Variants in KCNQ1 observed in about 807,000 individuals in gnomAD.
The protein encoded by KCNQ1 is potassium voltage-gated channel subfamily KQT member 1.
Under a neutral mutation model 72.4 loss-of-function variants are expected in KCNQ1, and 49 were observed. That is an observed-to-expected ratio of 0.68 (90% CI 0.54 to 0.86). The LOEUF (loss-of-function observed/expected upper bound fraction) is 0.86. KCNQ1 is among the 40% of genes least tolerant of loss of function. KCNQ1 has a pLI of 0.00. For synonymous variants in KCNQ1, 450 were observed against 412.6 expected, an observed-to-expected ratio of 1.09 and a Z score of -1.10; for missense variants, 790 against 945.1, an observed-to-expected ratio of 0.84 and a Z score of 2.15.
chr11:2,803,163 C>CTCT lies in KCNQ1; in HGVS notation c.1794+25126_1794+25127insTCT. Among the ~76,000 whole-genome samples, 1 of 151,776 alleles carries CTCT rather than the reference C, an allele frequency of 6.6e-6. No individual in the cohort carries two copies. The highest frequency in any genetic ancestry group is 1.9e-4 in the East Asian group (1 of 5,138). ...CAGAAAACCCAGCCGGGCCCCCCCC[C>CTCT]CCACGGGCACCCAGGAACCGCCCTG... On this transcript the variant is annotated intron_variant, in intron 15 of 15. Transcript: ENST00000155840. This position sits in a 1 kb window ranked among gnomAD's most constrained non-coding sequence, Gnocchi z 6.4.
chr11:2,608,441 G>A lies in KCNQ1; in HGVS notation c.1393+19587G>A. 2.5e-6 allele frequency: 1 copy of A among 398,288 alleles called. No homozygotes were observed. Among genetic ancestry groups the A allele is most frequent in the Non-Finnish European group, 4.4e-6 (1 of 225,992 alleles). 24.7% of individuals were successfully genotyped at this position (398,288 alleles called of 1,614,324 possible). Reference sequence around the variant, plus strand: ...TTCCTTCATAATCCTTTTTATTTCTGTCAGGTTGGTAGTATACTTCCCTCA... The same window carrying A: ...TTCCTTCATAATCCTTTTTATTTCTATCAGGTTGGTAGTATACTTCCCTCA... On this transcript the variant is annotated intron_variant, in intron 10 of 15. Coordinates refer to ENST00000155840, the MANE Select transcript of KCNQ1 (RefSeq NM_000218.3). This position sits in a 1 kb window ranked among gnomAD's most constrained non-coding sequence, Gnocchi z 4.6.
chr11:2,683,200 T>G lies in KCNQ1; in HGVS notation c.1514+21119T>G. 2.5e-6 allele frequency: 1 copy of G among 398,634 alleles called. No individual in the cohort carries two copies. Among genetic ancestry groups the G allele is most frequent in the East Asian group, 3.6e-5 (1 of 28,076 alleles). 24.7% of individuals were successfully genotyped at this position (398,634 alleles called of 1,614,324 possible). A position where few individuals can be genotyped will look rare whatever the true frequency, so the allele number is the denominator to read the frequency against. ...TTAAAAGGCTCCCACTGACAGCTCA[T>G]GCATTGTGATGGAACTAGAGGTGAG... is the stretch of plus-strand genomic sequence containing the variant. On this transcript the variant is annotated intron_variant, in intron 11 of 15. Coordinates refer to ENST00000155840, the MANE Select transcript of KCNQ1 (RefSeq NM_000218.3). The surrounding 1 kb of genome is among the most constrained non-coding windows in gnomAD (Gnocchi z 4.7).
Position 2,828,402 on chromosome 11 carries a change from T to C in KCNQ1, c.1795-19365T>C, listed in dbSNP as rs1485842180. Among the ~76,000 whole-genome samples, 1 of 151,972 alleles carries C rather than the reference T, an allele frequency of 6.6e-6. No individual in the cohort carries two copies. Among genetic ancestry groups the C allele is most frequent in the African/African-American group, 2.4e-5 (1 of 41,338 alleles). On this transcript the variant is annotated intron_variant, in intron 15 of 15. Transcript: ENST00000155840. The surrounding 1 kb of genome is among the most constrained non-coding windows in gnomAD (Gnocchi z 5.3). ...AAAACATGGAAACATGTAAATCAAC[T>C]AGGGTAAAGTGGTCAGGAGAAAAGA...
In KCNQ1 at chr11:2,713,331, C is replaced by T. The variant is rs1048930725; in HGVS notation, c.1514+51250C>T. ...CCTTCTGGGCTCTTCCTCTGCTGCT[C>T]GCCATAAAAACTCTCCAGTCATCTT... On this transcript the variant is annotated intron_variant, in intron 11 of 15. Coordinates refer to ENST00000155840, the MANE Select transcript of KCNQ1 (RefSeq NM_000218.3). This position sits in a 1 kb window ranked among gnomAD's most constrained non-coding sequence, Gnocchi z 5.6. Among the ~76,000 whole-genome samples the T allele has an allele frequency of 1.3e-5, 2 of 152,150 alleles. No homozygotes were observed. The highest frequency in any genetic ancestry group is 2.1e-4 in the South Asian group (1 of 4,832).
At chr11:2,737,077 C>T (rs1845970986) in intron 11 of KCNQ1, among the ~76,000 whole-genome samples, 1 of 152,182 alleles carries the variant, frequency 6.6e-6, no homozygotes, top group Non-Finnish European at 1.5e-5. Context: ...ATTAGTGGGT[C>T]CAGAAGAGAT....
rs754493760 is a variant in KCNQ1 at position 2,478,634 on chromosome 11, G to A, written c.386+33150G>A. The stretch of plus-strand genomic sequence containing the variant: ...TCCCACGAGGTCCCTCCCATGACAC[G>A]TGGGAATTATGGGAGCTACAATTCA... On this transcript the variant is annotated intron_variant, in intron 1 of 15. Coordinates refer to ENST00000155840, the MANE Select transcript of KCNQ1 (RefSeq NM_000218.3). This position sits in a 1 kb window ranked among gnomAD's most constrained non-coding sequence, Gnocchi z 4.0. Among the ~76,000 whole-genome samples, 5 of 152,114 alleles carry A rather than the reference G, an allele frequency of 3.3e-5. No individual in the cohort carries two copies. The highest frequency in any genetic ancestry group is 7.2e-5 in the African/African-American group (3 of 41,400).
Position 2,549,408 on chromosome 11 carries a change from G to T in KCNQ1, c.478-21220G>T, listed in dbSNP as rs1023462402. Among the ~76,000 whole-genome samples the T allele has an allele frequency of 1.3e-5, 2 of 152,132 alleles. No homozygotes were observed. The highest frequency in any genetic ancestry group is 2.9e-5 in the Non-Finnish European group (2 of 68,022). On this transcript the variant is annotated intron_variant, in intron 2 of 15. Transcript: ENST00000155840. The surrounding 1 kb of genome is among the most constrained non-coding windows in gnomAD (Gnocchi z 6.2). ...TCCTCTCTCCACACATCTGACCTTT[G>T]CCTGCTTTGGGGGCAGTTTGAGGCC...
In KCNQ1 at chr11:2,668,959, T is replaced by C. The variant is rs954518699; in HGVS notation, c.1514+6878T>C. The C allele has an allele frequency of 2.5e-6, 1 of 398,002 alleles. No individual in the cohort carries two copies. The highest frequency in any genetic ancestry group is 2.1e-5 in the African/African-American group (1 of 48,414). 24.7% of individuals were successfully genotyped at this position (398,002 alleles called of 1,614,324 possible). The stretch of plus-strand genomic sequence containing the variant: ...ATGTAGATCTGCACTCCATCTGGGA[T>C]TGATTTTTGTGTCCAATGTGAGGCC... On this transcript the variant is annotated intron_variant, in intron 11 of 15. Coordinates refer to ENST00000155840, the MANE Select transcript of KCNQ1 (RefSeq NM_000218.3). The surrounding 1 kb of genome is among the most constrained non-coding windows in gnomAD (Gnocchi z 4.3).
rs747362141 is a variant in KCNQ1 at position 2,848,762 on chromosome 11, C to T, written c.*759C>T. On this transcript the variant is annotated 3_prime_UTR_variant, in exon 16 of 16. Transcript: ENST00000155840. ...GGGCTCCCGCCTCCAACCCCTCGCC[C>T]AGTCCCAGCAGCCAGCCAAACACAC... The T allele has an allele frequency of 6.6e-6, 3 of 454,136 alleles. No individual in the cohort carries two copies. Among genetic ancestry groups the T allele is most frequent in the Non-Finnish European group, 1.3e-5 (3 of 226,778 alleles). 28.1% of individuals were successfully genotyped at this position (454,136 alleles called of 1,614,324 possible).
rs1298782951 is a variant in KCNQ1, at chr11:2,787,211, C to T, written c.1794+9174C>T. Among the ~76,000 whole-genome samples the T allele has an allele frequency of 6.6e-6, 1 of 152,126 alleles. No individual in the cohort carries two copies. Among genetic ancestry groups the T allele is most frequent in the African/African-American group, 2.4e-5 (1 of 41,424 alleles). ...ACTTTCCAGGACAGAACTTGTTCTC[C>T]TTCTCTTAGCAGTAATGCAGTTTTC... On this transcript the variant is annotated intron_variant, in intron 15 of 15. Coordinates refer to ENST00000155840, the MANE Select transcript of KCNQ1 (RefSeq NM_000218.3). The surrounding 1 kb of genome is among the most constrained non-coding windows in gnomAD (Gnocchi z 6.3).
chr11:2,819,154 T>C (rs1396126207), intron 15 of KCNQ1, among the ~76,000 whole-genome samples: 1 of 152,198 alleles, frequency 6.6e-6, no homozygotes, highest in Non-Finnish European at 1.5e-5. Context: ...CAAGCATCCC[T>C]ATGCTCCAGG....
At chr11:2,692,471 T>C (rs11821797) in intron 11 of KCNQ1, 4,696 of 398,722 alleles carry the variant, frequency 0.012, 195 homozygotes, top group African/African-American at 0.087. Flanking sequence ...TGCAGCTGCC[T>C]TTCTGGTAGT....
intron 10 of KCNQ1, chr11:2,614,567 T>A (rs2106467): frequency 5.0e-6 from 2 of 398,156 alleles, no homozygotes; most frequent in Non-Finnish European, 4.4e-6. Flanking sequence ...ATGCTATGAG[T>A]TATGGGTCCA....
At position 2,526,413 on chromosome 11, in the gene KCNQ1, C is replaced by T. The variant is rs1028852121; in HGVS notation, c.387-1515C>T. Among the ~76,000 whole-genome samples, 2 of 152,086 alleles carry T rather than the reference C, an allele frequency of 1.3e-5. No homozygotes were observed. Among genetic ancestry groups the T allele is most frequent in the African/African-American group, 4.8e-5 (2 of 41,406 alleles). ...GGTAGCTGCAGGTTTTGGCCCCAGT[C>T]CCAGCAGCGGGACTATGGCTGTGGG... On this transcript the variant is annotated intron_variant, in intron 1 of 15. Transcript: ENST00000155840. This position sits in a 1 kb window ranked among gnomAD's most constrained non-coding sequence, Gnocchi z 6.1.
At chr11:2,534,120 G>A (rs978202098) in intron 2 of KCNQ1, among the ~76,000 whole-genome samples, 1 of 152,138 alleles carries the variant, frequency 6.6e-6, no homozygotes, top group Non-Finnish European at 1.5e-5. Flanking sequence ...TCAGAGCAAG[G>A]CCTCAGTTTC....
intron 2 of KCNQ1, among the ~76,000 whole-genome samples, chr11:2,529,330 G>T (rs559827964): frequency 6.6e-6 from 1 of 152,218 alleles, no homozygotes; most frequent in East Asian, 1.9e-4. Context: ...TTTTTCGGGG[G>T]TTTCCTGGTG....
In KCNQ1 at chr11:2,808,738, C is replaced by T. The variant is rs571249275; in HGVS notation, c.1794+30701C>T. On this transcript the variant is annotated intron_variant, in intron 15 of 15. Coordinates refer to ENST00000155840, the MANE Select transcript of KCNQ1 (RefSeq NM_000218.3). The surrounding 1 kb of genome is among the most constrained non-coding windows in gnomAD (Gnocchi z 6.0). ...TACCCCTTGTTATCCTAGAAATACC[C>T]ATCCTTAGTGTGAGGAGAGCAGCAT... is the stretch of plus-strand genomic sequence containing the variant. Among the ~76,000 whole-genome samples the T allele has an allele frequency of 6.6e-6, 1 of 152,266 alleles. No individual in the cohort carries two copies. The highest frequency in any genetic ancestry group is 1.5e-5 in the Non-Finnish European group (1 of 68,020).
intron 11 of KCNQ1, chr11:2,675,303 TA>T: frequency 2.5e-6 from 1 of 398,592 alleles, no homozygotes. Flanking sequence ...TTTGGCAATA[TA>T]AAACATGAAA....
chr11:2,653,384 G>GA lies in KCNQ1; in HGVS notation c.1394-8576dup. On this transcript the variant is annotated intron_variant, in intron 10 of 15. Coordinates refer to ENST00000155840, the MANE Select transcript of KCNQ1 (RefSeq NM_000218.3). The surrounding 1 kb of genome is among the most constrained non-coding windows in gnomAD (Gnocchi z 5.3). ...CAACTTTGTCATGCACATTCCTGAA[G>GA]ACTCTCTTGGTAACAAATGATGGAA... 1 of 398,722 alleles carries GA rather than the reference G, an allele frequency of 2.5e-6. No individual in the cohort carries two copies. The allele number at this position is 398,722 out of a possible 1,614,324, so 24.7% of individuals were successfully genotyped here.
Sources: allele counts gnomAD v4.1 joint callset (sites outside exome capture counted in the v4.1 genomes callset), GRCh38; gene constraint gnomAD v4.1.1; non-coding constraint Gnocchi (gnomAD v3.1); transcripts MANE v1.5; gene names NCBI Gene and HGNC (gene_info 2026-07-23, HGNC 2026-07-21).